The following C3 variants were observed in gnomAD, a reference collection of about 807,000 sequenced individuals.
C3 encodes complement C3.
A neutral mutation model predicts 207.9 loss-of-function variants in C3; 97 were observed. The ratio of observed to expected loss-of-function variants is 0.47; its 90% CI spans 0.40 to 0.55. The LOEUF (loss-of-function observed/expected upper bound fraction) is 0.55, where lower values mean the gene tolerates loss of function less well. C3 is among the 20% of genes least tolerant of loss of function. The pLI, the probability that C3 is intolerant of heterozygous loss-of-function variation, is 0.00. For missense variants in C3, 1,684 were observed against 2,171.7 expected (o/e 0.78, Z 4.46); for synonymous variants, 848 against 857.6 (o/e 0.99, Z 0.20).
chr19:6,708,041 C>T, intron 14 of C3, 112 bp from the exon 15 acceptor site: 3 of 1,204,390 alleles, frequency 2.5e-6, no homozygotes, highest in Non-Finnish European at 3.6e-6. Context: ...GTCCCACTCT[C>T]ATCTCCCCCA....
intron 26 of C3, among the ~76,000 whole-genome samples, chr19:6,691,813 C>T (rs1477355832): frequency 4.6e-5 from 7 of 151,936 alleles, no homozygotes; most frequent in South Asian, 4.2e-4. Flanking sequence ...GGTGAAACCC[C>T]GTCTCTACTA....
At chr19:6,681,542 T>C (rs987159145) in intron 35 of C3, among the ~76,000 whole-genome samples, 6 of 151,312 alleles carry the variant, frequency 4.0e-5, no homozygotes, top group Admixed American at 4.0e-4. Context: ...CAAGACCCTG[T>C]CTCCTGAAAG....
At position 6,718,236 on chromosome 19, in the gene C3, C is replaced by T. The variant is rs759907417; in HGVS notation, c.433+11G>A. ...CGGTGCCCCGCCCTCTCCAGCCGCC[C>T]CCAGCCTCACCTGTGGAGCCAGGGG... is the stretch of plus-strand genomic sequence containing the variant. On this transcript the variant is annotated intron_variant, in intron 3 of 40. Transcript: ENST00000245907. The T allele has an allele frequency of 1.2e-6, 2 of 1,614,162 alleles. No individual in the cohort carries two copies. The highest frequency in any genetic ancestry group is 1.7e-5 in the Admixed American group (1 of 60,026).
intron 11 of C3, among the ~76,000 whole-genome samples, chr19:6,711,887 GAA>G (rs945899804): frequency 6.6e-6 from 1 of 152,224 alleles, no homozygotes; most frequent in Non-Finnish European, 1.5e-5. Context: ...CATGGGAGTG[GAA>G]AGACTGTGCG....
intron 5 of C3, 33 bp from the exon 6 acceptor site, chr19:6,714,281 C>G (rs577034872): frequency 1.2e-6 from 2 of 1,611,952 alleles, no homozygotes; most frequent in Non-Finnish European, 8.5e-7. Flanking sequence ...GTCTCTCAGG[C>G]CTCGGAGCCC....
rs755561434 is a variant in C3 at position 6,719,416 on chromosome 19, G to C, written c.75-13C>G. The C allele has an allele frequency of 6.2e-7, 1 of 1,612,812 alleles. No individual in the cohort carries two copies. Among genetic ancestry groups the C allele is most frequent in the Non-Finnish European group, 8.5e-7 (1 of 1,178,968 alleles). On this transcript the variant is annotated splice_polypyrimidine_tract_variant and intron_variant, in intron 1 of 40. Coordinates refer to ENST00000245907, the MANE Select transcript of C3 (RefSeq NM_000064.4). The surrounding 1 kb of genome is among the most constrained non-coding windows in gnomAD (Gnocchi z 5.4). ...GATGATAGAGTACCTGTCGGAGTGG[G>C]GCACGGGAGTGGGCTTGTCATTCCA...
intron 27 of C3, among the ~76,000 whole-genome samples, chr19:6,688,401 C>T (rs1466779135): frequency 1.3e-5 from 2 of 152,012 alleles, no homozygotes; most frequent in Non-Finnish European, 2.9e-5. Flanking sequence ...CCCAAAGTGC[C>T]GGGATTACAG....
rs1918129844 is a variant in C3, at chr19:6,689,991, A to G, written c.3489+638T>C. Among the ~76,000 whole-genome samples, 3 of 152,090 alleles carry G rather than the reference A, an allele frequency of 2.0e-5. No homozygotes were observed. The South Asian group carries it at 6.2e-4, about 32-fold the overall frequency. On this transcript the variant is annotated intron_variant, in intron 27 of 40. Coordinates refer to ENST00000245907, the MANE Select transcript of C3 (RefSeq NM_000064.4). ...AGTGAGACTCCATCACAAAAAATAA[A>G]CAAACAAACAAACAACCACAATAAA...
chr19:6,693,142 A>T (rs1396970298), intron 25 of C3, 59 bp from the exon 26 acceptor site: 1 of 1,590,112 alleles, frequency 6.3e-7, no homozygotes, highest in Non-Finnish European at 8.6e-7. Context: ...TGCCATGTCA[A>T]CCAGCCAATG....
At position 6,694,454 on chromosome 19, in the gene C3, C is replaced by T. The variant is rs373392964; in HGVS notation, c.3131G>A (p.Gly1044Glu). The T allele has an allele frequency of 8.1e-6, 13 of 1,613,984 alleles. No individual in the cohort carries two copies. The African/African-American group carries it at 1.5e-4, about 18-fold the overall frequency. Residue 1044 changes from glycine to glutamate, a missense_variant, in exon 24 of 41, where the codon GGG becomes GAG. Physicochemically the swap from Gly to Glu is moderately conservative, Grantham distance 98. Transcript: ENST00000245907. ...WEKFGLEKRQ[G>E]ALELIKKGYT... ...ACCCTTCTTGATGAGCTCCAAGGCC[C>T]CCTGCCGCTTCTCTAGGCCGAACTT...
rs759368543 is a variant in C3, at chr19:6,677,876, G to A, written c.*6C>T. 8 of 1,613,860 alleles carry A rather than the reference G, an allele frequency of 5.0e-6. No individual in the cohort carries two copies. Among genetic ancestry groups the A allele is most frequent in the African/African-American group, 4.0e-5 (3 of 74,926 alleles). The stretch of plus-strand genomic sequence containing the variant: ...CTTTATCTGGAGTGGGGGAATGGGG[G>A]TGTGGTCAGTTGGGGCACCCAAAGA... On this transcript the variant is annotated 3_prime_UTR_variant, in exon 41 of 41. Transcript: ENST00000245907.
intron 14 of C3, 73 bp downstream of exon 14, chr19:6,709,611 T>TTCCCCCCCCCCCCCCCCCCCCC: frequency 4.9e-5 from 54 of 1,109,404 alleles, no homozygotes; most frequent in Non-Finnish European, 6.1e-5. Flanking sequence ...CCCTCTCCAG[T>TTCCCCCCCCCCCCCCCCCCCCC]CCCACCCACC....
At chr19:6,692,887 C>T in intron 26 of C3, 37 bp downstream of exon 26, 2 of 1,610,334 alleles carry the variant, frequency 1.2e-6, no homozygotes, top group Non-Finnish European at 1.7e-6. Flanking sequence ...CTCAGGAGCC[C>T]CTCTCTTCCA....
chr19:6,697,226 A>G (rs985116050), intron 21 of C3, 118 bp downstream of exon 21: 30 of 808,408 alleles, frequency 3.7e-5, no homozygotes, highest in Non-Finnish European at 2.3e-5. Context: ...CAAATTTCCT[A>G]AGCTGGACAC....
chr19:6,699,000 T>G (rs1414868012), intron 19 of C3, among the ~76,000 whole-genome samples: 1 of 152,032 alleles, frequency 6.6e-6, no homozygotes, highest in African/African-American at 2.4e-5. Flanking sequence ...TTCACCATGT[T>G]GGCCAGGCTG....
In C3 at chr19:6,677,972, C is replaced by T. The variant is rs749728116; in HGVS notation, c.4902G>A (p.Glu1634=). The change falls in exon 41 of 41, where the codon GAG becomes GAA. Residue 1634 remains glutamate, a synonymous_variant. Transcript: ENST00000245907. ...KDTWVEHWPE[E]DECQDEENQK... ...GGTTCTCTTCGTCTTGGCATTCGTC[C>T]TCCTCGGGCCAGTGCTCCACCCAAG... 1 of 1,613,990 alleles carries T rather than the reference C, an allele frequency of 6.2e-7. No individual in the cohort carries two copies. Among genetic ancestry groups the T allele is most frequent in the African/African-American group, 1.3e-5 (1 of 74,884 alleles).
At chr19:6,686,632 T>C in intron 28 of C3, 114 bp downstream of exon 28, 3 of 1,134,354 alleles carry the variant, frequency 2.6e-6, no homozygotes, top group African/African-American at 1.5e-5. Context: ...CCATCTCAGC[T>C]TGGCTTAGGG....
intron 13 of C3, among the ~76,000 whole-genome samples, chr19:6,710,251 GGA>G (rs1967883760): frequency 9.7e-6 from 1 of 103,088 alleles, no homozygotes; most frequent in Non-Finnish European, 2.0e-5. Flanking sequence ...AGAGAGAAAG[GGA>G]GAGAGAGAGG....
rs534745614 is a variant in C3, at chr19:6,695,277, A to G, written c.2951-643T>C. Among the ~76,000 whole-genome samples the G allele has an allele frequency of 1.4e-4, 21 of 151,818 alleles. No homozygotes were observed. The East Asian group carries it at 3.9e-3, about 28-fold the overall frequency. The stretch of plus-strand genomic sequence containing the variant: ...GAGTGAGACTCCGCCTCAAAAAAAA[A>G]AAAAAAATCATCACACCAACCCTTG... On this transcript the variant is annotated intron_variant, in intron 23 of 40. Coordinates refer to ENST00000245907, the MANE Select transcript of C3 (RefSeq NM_000064.4).
Sources: allele counts gnomAD v4.1 joint callset (sites outside exome capture counted in the v4.1 genomes callset), GRCh38; gene constraint gnomAD v4.1.1; non-coding constraint Gnocchi (gnomAD v3.1); transcripts MANE v1.5; gene names NCBI Gene and HGNC (gene_info 2026-07-23, HGNC 2026-07-21).